EDIL3: variants seen among roughly 807,000 people sequenced by gnomAD.
EDIL3 encodes EGF-like repeat and discoidin I-like domain-containing protein 3.
Under a neutral mutation model 67.4 loss-of-function variants are expected in EDIL3, and 37 were observed. The observed-to-expected ratio is 0.55, with a 90% CI of 0.42 to 0.72. The LOEUF (loss-of-function observed/expected upper bound fraction) is 0.72, where lower values mean the gene tolerates loss of function less well. EDIL3 is among the 30% of genes least tolerant of loss of function. The pLI is 0.00. For missense variants in EDIL3, 527 were observed against 586.3 expected (o/e 0.90, Z 1.04); for synonymous variants, 195 against 196.3 (o/e 0.99, Z 0.05).
At chr5:84,291,043 C>T (rs1327992916) in intron 1 of EDIL3, among the ~76,000 whole-genome samples, 2 of 152,110 alleles carry the variant, frequency 1.3e-5, no homozygotes, top group Non-Finnish European at 2.9e-5. Flanking sequence ...CCTTGATAAC[C>T]TGCTTTAAAA....
At chr5:84,059,220 G>A (rs890828562) in intron 9 of EDIL3, among the ~76,000 whole-genome samples, 33 of 151,808 alleles carry the variant, frequency 2.2e-4, no homozygotes, top group African/African-American at 6.5e-4. Context: ...GAGCAACACA[G>A]TGAGACACCT....
At chr5:84,097,519 T>C (rs2112274289) in intron 6 of EDIL3, among the ~76,000 whole-genome samples, 1 of 152,326 alleles carries the variant, frequency 6.6e-6, no homozygotes. Context: ...TAGCAAACCA[T>C]GTAAGGCCAG....
At chr5:84,127,977 T>C (rs569828961) in intron 5 of EDIL3, among the ~76,000 whole-genome samples, 1 of 152,300 alleles carries the variant, frequency 6.6e-6, no homozygotes, top group Admixed American at 6.5e-5. Context: ...AAATTCAATA[T>C]GCCTAAGCAG....
At chr5:84,264,026 AG>A (rs1485075430) in intron 1 of EDIL3, among the ~76,000 whole-genome samples, 6 of 152,156 alleles carry the variant, frequency 3.9e-5, no homozygotes, top group Non-Finnish European at 8.8e-5. Context: ...GATTGAGACC[AG>A]GGGTTTGAGA....
intron 4 of EDIL3, among the ~76,000 whole-genome samples, chr5:84,160,465 T>C (rs889769153): frequency 4.7e-4 from 72 of 152,280 alleles, no homozygotes; most frequent in African/African-American, 1.6e-3. Flanking sequence ...TGATTTTTCT[T>C]ATTTTAATAC....
chr5:84,139,249 G>A (rs1748146894), intron 4 of EDIL3, among the ~76,000 whole-genome samples: 1 of 138,854 alleles, frequency 7.2e-6, no homozygotes, highest in Non-Finnish European at 1.6e-5. Flanking sequence ...GGGAAAAAAA[G>A]TATGATAGAC....
At chr5:84,071,067 A>G (rs1746732209) in intron 6 of EDIL3, among the ~76,000 whole-genome samples, 1 of 152,192 alleles carries the variant, frequency 6.6e-6, no homozygotes, top group Admixed American at 6.5e-5. Flanking sequence ...GTCTGCAGGC[A>G]CTAGCAGGCC....
At chr5:84,106,940 A>G (rs1184684639) in intron 5 of EDIL3, 110 bp from the exon 6 acceptor site, 8 of 1,206,708 alleles carry the variant, frequency 6.6e-6, no homozygotes, top group South Asian at 6.3e-5. Context: ...TTGCACCACC[A>G]TGCTATTTAC....
intron 6 of EDIL3, among the ~76,000 whole-genome samples, chr5:84,068,535 C>T (rs1746681736): frequency 6.6e-6 from 1 of 152,054 alleles, no homozygotes; most frequent in Non-Finnish European, 1.5e-5. Context: ...CATTAAAAAT[C>T]ATGTAAAAAT....
At chr5:84,272,770 T>A (rs1326125535) in intron 1 of EDIL3, among the ~76,000 whole-genome samples, 1 of 152,198 alleles carries the variant, frequency 6.6e-6, no homozygotes, top group Admixed American at 6.5e-5. Context: ...GAAGTTGTAA[T>A]TGTTATCTGA....
intron 3 of EDIL3, among the ~76,000 whole-genome samples, chr5:84,199,724 AT>A (rs1743791659): frequency 6.6e-6 from 1 of 152,042 alleles, no homozygotes; most frequent in Non-Finnish European, 1.5e-5. Context: ...TCCCGTAAAC[AT>A]TTTTGCAACA....
chr5:84,325,909 C>T (rs2112160344), intron 1 of EDIL3, among the ~76,000 whole-genome samples: 1 of 152,154 alleles, frequency 6.6e-6, no homozygotes, highest in African/African-American at 2.4e-5. Context: ...CTGTATGATT[C>T]CACTTAGATG....
At chr5:84,059,207 C>T (rs1746499715) in intron 9 of EDIL3, among the ~76,000 whole-genome samples, 2 of 151,732 alleles carry the variant, frequency 1.3e-5, no homozygotes, top group African/African-American at 4.8e-5. Flanking sequence ...TCGAGATTGG[C>T]TTGAGCAACA....
At chr5:84,121,938 T>C (rs371851516) in intron 5 of EDIL3, among the ~76,000 whole-genome samples, 1 of 152,040 alleles carries the variant, frequency 6.6e-6, no homozygotes. Context: ...TCCTGACCGA[T>C]AAATGGGCCT....
intron 9 of EDIL3, among the ~76,000 whole-genome samples, chr5:83,990,266 A>G (rs940361458): frequency 6.6e-6 from 1 of 152,134 alleles, no homozygotes; most frequent in Non-Finnish European, 1.5e-5. Context: ...AGGCAGGCAG[A>G]TCACAAAGTC....
chr5:84,012,410 C>T (rs76037781), intron 9 of EDIL3, among the ~76,000 whole-genome samples: 2,764 of 152,226 alleles, frequency 0.018, 89 homozygotes, highest in African/African-American at 0.062. Flanking sequence ...GTCACTGCAA[C>T]TGATCAATTC....
intron 5 of EDIL3, among the ~76,000 whole-genome samples, chr5:84,124,902 G>T (rs1747839290): frequency 6.6e-6 from 1 of 151,900 alleles, no homozygotes; most frequent in African/African-American, 2.4e-5. Flanking sequence ...TAAATGAATT[G>T]TTTTCCTTCT....
intron 4 of EDIL3, among the ~76,000 whole-genome samples, chr5:84,164,455 G>A (rs143170657): frequency 1.3e-5 from 2 of 152,102 alleles, no homozygotes; most frequent in African/African-American, 4.8e-5. Flanking sequence ...GCTACCATGT[G>A]ACAGGCACCC....
intron 1 of EDIL3, among the ~76,000 whole-genome samples, chr5:84,297,872 C>T (rs1561249342): frequency 6.6e-6 from 1 of 152,134 alleles, no homozygotes; most frequent in Non-Finnish European, 1.5e-5. Flanking sequence ...TAGACACATT[C>T]CAGAGCCACG....
Sources: allele counts gnomAD v4.1 joint callset (sites outside exome capture counted in the v4.1 genomes callset), GRCh38; gene constraint gnomAD v4.1.1; transcripts MANE v1.5; gene names NCBI Gene and HGNC (gene_info 2026-07-23, HGNC 2026-07-21).